The following ZNF131 variants were observed in gnomAD, a reference collection of about 807,000 sequenced individuals.
ZNF131 encodes zinc finger protein 131.
Under a neutral mutation model 60.0 loss-of-function variants are expected in ZNF131, and 7 were observed. That is an observed-to-expected ratio of 0.12 (90% CI 0.07 to 0.22). The LOEUF is 0.22. Ranked by LOEUF, ZNF131 falls within the 10% of genes least tolerant of loss-of-function variation. The probability of loss-of-function intolerance (pLI) is 1.00; values close to 1 mark genes in which losing one functional copy is unlikely to be tolerated. For synonymous variants in ZNF131, 257 were observed against 253.2 expected (o/e 1.01, Z -0.14); for missense variants, 493 against 740.9 (o/e 0.67, Z 3.88).
At position 43,174,938 on chromosome 5, in the gene ZNF131, T is replaced by G. The variant is rs115363430; in HGVS notation, c.1677T>G (p.Leu559=). The change falls in exon 7 of 7, where the codon CTT becomes CTG. Residue 559 remains leucine, a synonymous_variant. Coordinates refer to ENST00000682664, the MANE Select transcript of ZNF131 (RefSeq NM_001330707.2). ...TGCCAGTGGAAGTACAAACTGAACT[T>G]CTAGAAGCAGATTTGGACCACGTGA... ...NQMPVEVQTE[L]LEADLDHVTP... is the part of the protein sequence containing the mutation. 0.019 allele frequency: 29,960 copies of G among 1,614,060 alleles called. 346 individuals are homozygous for G. Among genetic ancestry groups the G allele is most frequent in the Middle Eastern group, 0.025 (151 of 6,062 alleles).
rs201396261 is a variant in ZNF131, at chr5:43,126,211, TCATGGA to T, written c.226+2905_226+2910del. Reference sequence around the variant, plus strand: ...TCATGTCACATAATTTTGGAGTATGTCATGGACATTTGAATATTTTGTTACAAAACT... The same window carrying T: ...TCATGTCACATAATTTTGGAGTATGTCATTTGAATATTTTGTTACAAAACT... On this transcript the variant is annotated intron_variant, in intron 3 of 6. Transcript: ENST00000682664. Among the ~76,000 whole-genome samples the T allele has an allele frequency of 9.5e-3, 1,441 of 152,352 alleles. 8 individuals carry two copies. Among genetic ancestry groups the T allele is most frequent in the Non-Finnish European group, 0.014 (940 of 68,034 alleles).
At position 43,174,931 on chromosome 5, in the gene ZNF131, C is replaced by T. The variant is rs1383788652; in HGVS notation, c.1670C>T (p.Thr557Ile). ...AATCAAATGCCAGTGGAAGTACAAA[C>T]TGAACTTCTAGAAGCAGATTTGGAC... ...RVNQMPVEVQ[T>I]ELLEADLDHV... Residue 557 changes from threonine (T) to isoleucine (I), a missense_variant, in exon 7 of 7, where the codon ACT becomes ATT. Thr to Ile is a moderately conservative substitution (Grantham distance 89, BLOSUM62 -1). Transcript: ENST00000682664. 1 of 1,614,118 alleles carries T rather than the reference C, an allele frequency of 6.2e-7. No homozygotes were observed. The highest frequency in any genetic ancestry group is 8.5e-7 in the Non-Finnish European group (1 of 1,180,034).
Position 43,123,204 on chromosome 5 carries a change from C to A in ZNF131, c.125-5C>A. The A allele has an allele frequency of 6.3e-7, 1 of 1,590,018 alleles. No individual in the cohort carries two copies. The highest frequency in any genetic ancestry group is 8.5e-7 in the Non-Finnish European group (1 of 1,171,794). On this transcript the variant is annotated splice_region_variant and splice_polypyrimidine_tract_variant and intron_variant, in intron 2 of 6. Coordinates refer to ENST00000682664, the MANE Select transcript of ZNF131 (RefSeq NM_001330707.2). ...GATTTTCTTTTTTTTTCTTATTTTA[C>A]CTAGGACACCATTTTAAGGCTCACA...
intron 5 of ZNF131, among the ~76,000 whole-genome samples, chr5:43,170,993 G>T (rs757359601): frequency 6.6e-6 from 1 of 150,598 alleles, no homozygotes; most frequent in Non-Finnish European, 1.5e-5. Context: ...CGCCCAGGCT[G>T]GAGTGCAATG....
chr5:43,174,349 A>G, intron 6 of ZNF131, 98 bp from the exon 7 acceptor site: 1 of 1,089,008 alleles, frequency 9.2e-7, no homozygotes, highest in Non-Finnish European at 1.3e-6. Context: ...CATTTACAGA[A>G]TAAGCCTTCA....
intron 5 of ZNF131, among the ~76,000 whole-genome samples, chr5:43,165,666 A>G (rs1218191366): frequency 6.6e-6 from 1 of 152,238 alleles, no homozygotes; most frequent in Non-Finnish European, 1.5e-5. Flanking sequence ...GGCAGAGTAC[A>G]TGTAATAAGA....
At chr5:43,146,938 G>T (rs1403132570) in intron 4 of ZNF131, among the ~76,000 whole-genome samples, 1 of 151,942 alleles carries the variant, frequency 6.6e-6, no homozygotes, top group African/African-American at 2.4e-5. Context: ...CAGTGATACA[G>T]ACACCACCAC....
rs201916814 is a variant in ZNF131 at position 43,175,100 on chromosome 5, T to G, written c.1839T>G (p.Asn613Lys). 34 of 1,614,016 alleles carry G rather than the reference T, an allele frequency of 2.1e-5. No homozygotes were observed. The African/African-American group carries it at 4.3e-4, about 20-fold the overall frequency. Residue 613 changes from asparagine (N) to lysine (K), a missense_variant, in exon 7 of 7, where the codon AAT becomes AAG. Asn to Lys is a moderately conservative substitution (Grantham distance 94). Transcript: ENST00000682664. ...ATTCTGAAGCAGAAAAGGCAGAGAATGAGGACAGAACAGCTCTGCCAGTTT... is the reference window on the plus strand; with the variant it reads ...ATTCTGAAGCAGAAAAGGCAGAGAAGGAGGACAGAACAGCTCTGCCAGTTT... ...TVDSEAEKAENEDRTALPVLE is the reference protein window; with the variant it reads ...TVDSEAEKAEKEDRTALPVLE
At chr5:43,173,797 C>T (rs546181313) in intron 6 of ZNF131, among the ~76,000 whole-genome samples, 13 of 151,900 alleles carry the variant, frequency 8.6e-5, no homozygotes, top group Admixed American at 8.5e-4. Context: ...ACAATTATTA[C>T]ATTATTTGAT....
chr5:43,128,822 C>T (rs1744927606), intron 3 of ZNF131, among the ~76,000 whole-genome samples: 1 of 152,012 alleles, frequency 6.6e-6, no homozygotes, highest in Non-Finnish European at 1.5e-5. Context: ...ACCATCATGG[C>T]TCATTGCAAC....
intron 3 of ZNF131, among the ~76,000 whole-genome samples, chr5:43,133,548 A>G (rs1745636814): frequency 6.6e-6 from 1 of 152,208 alleles, no homozygotes; most frequent in Admixed American, 6.6e-5. Flanking sequence ...AAGCACTGTT[A>G]GGTACTGTGA....
At chr5:43,167,803 G>A (rs141607661) in intron 5 of ZNF131, 1 of 328,982 alleles carries the variant, frequency 3.0e-6, no homozygotes, top group East Asian at 8.3e-5. Flanking sequence ...AGAATCCTGT[G>A]GGAATGCCTG....
chr5:43,156,139 G>A (rs535631035), intron 4 of ZNF131, among the ~76,000 whole-genome samples: 6 of 152,260 alleles, frequency 3.9e-5, no homozygotes, highest in African/African-American at 1.4e-4. Context: ...TTCACATGTT[G>A]AAGCAACAAC....
At chr5:43,145,380 C>A (rs1428467981) in intron 4 of ZNF131, among the ~76,000 whole-genome samples, 3 of 152,006 alleles carry the variant, frequency 2.0e-5, no homozygotes, top group Non-Finnish European at 4.4e-5. Flanking sequence ...GGCCTGGGTG[C>A]AGTGGCTTAT....
chr5:43,155,402 G>A (rs1399063561), intron 4 of ZNF131, among the ~76,000 whole-genome samples: 1 of 152,130 alleles, frequency 6.6e-6, no homozygotes, highest in Non-Finnish European at 1.5e-5. Context: ...GTGTACCTTG[G>A]GAGCTGTGTC....
chr5:43,133,218 C>CA (rs1174669047), intron 3 of ZNF131, among the ~76,000 whole-genome samples: 2 of 152,102 alleles, frequency 1.3e-5, no homozygotes. Context: ...CTAATCCCAG[C>CA]ACTTTGGGAG....
chr5:43,175,588 C>T lies in ZNF131; in HGVS notation c.*455C>T. 1 of 619,552 alleles carries T rather than the reference C, an allele frequency of 1.6e-6. No homozygotes were observed. The highest frequency in any genetic ancestry group is 2.9e-6 in the Non-Finnish European group (1 of 350,622). The allele number at this position is 619,552 out of a possible 1,614,324, so 38.4% of individuals were successfully genotyped here. A position where few individuals can be genotyped will look rare whatever the true frequency, so the allele number is the denominator to read the frequency against. On this transcript the variant is annotated 3_prime_UTR_variant, in exon 7 of 7. Transcript: ENST00000682664. ...ACACAAGGCTGCATGATGAAAAGTG[C>T]ATTGTTACTGTGCAGTTAAATTTTG...
chr5:43,131,501 T>C (rs1271435001), intron 3 of ZNF131, among the ~76,000 whole-genome samples: 1 of 152,156 alleles, frequency 6.6e-6, no homozygotes, highest in Non-Finnish European at 1.5e-5. Context: ...CACCTCTGTG[T>C]TGACATGGCA....
Position 43,121,019 on chromosome 5 carries a change from G to A in ZNF131, c.-120G>A, listed in dbSNP as rs1006968515. 2 of 152,384 alleles carry A rather than the reference G, an allele frequency of 1.3e-5. No homozygotes were observed. Among genetic ancestry groups the A allele is most frequent in the African/African-American group, 4.8e-5 (2 of 41,476 alleles). The allele number at this position is 152,384 out of a possible 1,614,324, so 9.4% of individuals were successfully genotyped here. A position where few individuals can be genotyped will look rare whatever the true frequency, so the allele number is the denominator to read the frequency against. On this transcript the variant is annotated 5_prime_UTR_variant, in exon 1 of 7. Coordinates refer to ENST00000682664, the MANE Select transcript of ZNF131 (RefSeq NM_001330707.2). ...GAAGAAAATGGAGGGCGACCCACGG[G>A]TTAGGGGTCAGGAAAGGCGTGGGGC...
Sources: gnomAD v4.1 joint callset for allele counts (sites outside exome capture counted in the v4.1 genomes callset) on GRCh38, gnomAD v4.1.1 for gene constraint, MANE v1.5 for transcripts, NCBI Gene and HGNC (gene_info 2026-07-23, HGNC 2026-07-21) for gene names.